The following SPRR3 variants were observed in gnomAD, a reference collection of about 807,000 sequenced individuals.
SPRR3 encodes small proline rich protein 3.
For synonymous variants in SPRR3, 58 were observed against 72.3 expected (o/e 0.80, Z 1.01); for missense variants, 183 against 200.3 (o/e 0.91, Z 0.52).
rs1652783793 is a variant in SPRR3 at position 153,001,760 on chromosome 1, G to A, written c.-53G>A. ...ACAAGAGACTCTTCACCAGATCCCA[G>A]AGGCTGAACACCTCGACCTTCTCTG... On this transcript the variant is annotated 5_prime_UTR_variant, in exon 1 of 2. Transcript: ENST00000295367. 1 of 152,218 alleles carries A rather than the reference G, an allele frequency of 6.6e-6. No individual in the cohort carries two copies. Among genetic ancestry groups the A allele is most frequent in the Non-Finnish European group, 1.5e-5 (1 of 68,040 alleles). The allele number at this position is 152,218 out of a possible 1,614,324, so 9.4% of individuals were successfully genotyped here. A position where few individuals can be genotyped will look rare whatever the true frequency, so the allele number is the denominator to read the frequency against.
Position 153,003,374 on chromosome 1 carries a change from T to C in SPRR3, c.354T>C (p.Pro118=), listed in dbSNP as rs748527214. 3.1e-6 allele frequency: 5 copies of C among 1,613,948 alleles called. No homozygotes were observed. In the East Asian group the frequency reaches 6.7e-5, roughly 22 times the overall value. Residue 118 remains proline (P), a synonymous_variant, in exon 2 of 2, where the codon CCT becomes CCC. Transcript: ENST00000295367. ...KVPEPGSIKV[P]DQGFIKFPEP... is the part of the protein sequence containing the mutation. ...CTGAACCAGGCAGCATCAAGGTCCC[T>C]GACCAAGGCTTCATCAAGTTTCCTG...
rs1055935 is a variant in SPRR3 at position 153,003,465 on chromosome 1, C to G, written c.445C>G (p.Leu149Val). The part of the protein sequence containing the change: ...TKVPVPGYTK[L>V]PEPCPSTVTP... ...AGTTCCTGTGCCAGGCTACACAAAGCTACCAGAGCCATGTCCTTCAACGGT... is the reference window on the plus strand; with the variant it reads ...AGTTCCTGTGCCAGGCTACACAAAGGTACCAGAGCCATGTCCTTCAACGGT... The change falls in exon 2 of 2, where the codon CTA (leucine) becomes GTA (valine). Residue 149 changes from leucine (L) to valine (V), a missense_variant. Physicochemically the swap from Leu to Val is conservative, Grantham distance 32 (BLOSUM62 1). Coordinates refer to ENST00000295367, the MANE Select transcript of SPRR3 (RefSeq NM_001097589.2). 891,020 of 1,613,364 alleles carry G rather than the reference C, an allele frequency of 0.55. 248,617 individuals are homozygous for G. The highest frequency in any genetic ancestry group is 0.68 in the African/African-American group (51,290 of 74,906).
In SPRR3 at chr1:153,003,846, T is replaced by G; in HGVS notation, c.*316T>G. On this transcript the variant is annotated 3_prime_UTR_variant, in exon 2 of 2. Transcript: ENST00000295367. ...TCCTGCTCTTCCCTCATTAAATTGC[T>G]TTTAATTCCAGTCTTGGCTGTGTGT... 1 of 386,632 alleles carries G rather than the reference T, an allele frequency of 2.6e-6. No individual in the cohort carries two copies. The highest frequency in any genetic ancestry group is 5.4e-5 in the East Asian group (1 of 18,630). The allele number at this position is 386,632 out of a possible 1,614,324, so 24.0% of individuals were successfully genotyped here.
At position 153,003,711 on chromosome 1, in the gene SPRR3, C is replaced by G. The variant is rs1376675088; in HGVS notation, c.*181C>G. 8.9e-6 allele frequency: 8 copies of G among 901,544 alleles called. No homozygotes were observed. In the East Asian group the frequency reaches 2.1e-4, roughly 24 times the overall value. The allele number at this position is 901,544 out of a possible 1,614,324, so 55.8% of individuals were successfully genotyped here. A position where few individuals can be genotyped will look rare whatever the true frequency, so the allele number is the denominator to read the frequency against. ...ACTATAAAGCTTTTGTTCACACACA[C>G]TCTGAAGAATCCTGTAAGCCCCTGA... On this transcript the variant is annotated 3_prime_UTR_variant, in exon 2 of 2. Coordinates refer to ENST00000295367, the MANE Select transcript of SPRR3 (RefSeq NM_001097589.2).
Position 153,003,352 on chromosome 1 carries a change from A to G in SPRR3, c.332A>G (p.Glu111Gly), listed in dbSNP as rs561001430. The change falls in exon 2 of 2, where the codon GAA (glutamate) becomes GGA (glycine). Residue 111 changes from glutamate (E) to glycine (G), a missense_variant. Glu to Gly is a moderately conservative substitution (Grantham distance 98, BLOSUM62 -2). Coordinates refer to ENST00000295367, the MANE Select transcript of SPRR3 (RefSeq NM_001097589.2). ...VPEPGYTKVP[E>G]PGSIKVPDQG... ...GAGCCAGGCTACACCAAGGTCCCTG[A>G]ACCAGGCAGCATCAAGGTCCCTGAC... is the stretch of plus-strand genomic sequence containing the variant. 2 of 1,610,054 alleles carry G rather than the reference A, an allele frequency of 1.2e-6. No individual in the cohort carries two copies. Among genetic ancestry groups the G allele is most frequent in the Admixed American group, 1.7e-5 (1 of 59,664 alleles).
intron 1 of SPRR3, 111 bp from the exon 2 acceptor site, chr1:153,002,891 A>G (rs918605897): frequency 8.4e-7 from 1 of 1,189,456 alleles, no homozygotes; most frequent in Non-Finnish European, 1.2e-6. Flanking sequence ...GGAAAAAGAA[A>G]GAAAAGAGAG....
Position 153,003,754 on chromosome 1 carries a change from C to A in SPRR3, c.*224C>A. 1.0e-4 allele frequency: 67 copies of A among 650,244 alleles called. No homozygotes were observed. Among genetic ancestry groups the A allele is most frequent in the South Asian group, 2.6e-4 (10 of 38,668 alleles). 40.3% of individuals were successfully genotyped at this position (650,244 alleles called of 1,614,324 possible). A position where few individuals can be genotyped will look rare whatever the true frequency, so the allele number is the denominator to read the frequency against. The stretch of plus-strand genomic sequence containing the variant: ...GCCCCTGAATTAAGCAGAAAGTCTT[C>A]ATGGCTTTTCTGGTCTTCGGCTGCT... On this transcript the variant is annotated 3_prime_UTR_variant, in exon 2 of 2. Transcript: ENST00000295367.
In SPRR3 at chr1:153,003,819, T is replaced by C; in HGVS notation, c.*289T>C. The stretch of plus-strand genomic sequence containing the variant: ...AGATTCGAATGAAAAGAAATGCATG[T>C]TTCCTGCTCTTCCCTCATTAAATTG... On this transcript the variant is annotated 3_prime_UTR_variant, in exon 2 of 2. Coordinates refer to ENST00000295367, the MANE Select transcript of SPRR3 (RefSeq NM_001097589.2). 2.1e-6 allele frequency: 1 copy of C among 474,600 alleles called. No individual in the cohort carries two copies. Among genetic ancestry groups the C allele is most frequent in the South Asian group, 3.1e-5 (1 of 31,918 alleles). The allele number at this position is 474,600 out of a possible 1,614,324, so 29.4% of individuals were successfully genotyped here.
In SPRR3 at chr1:153,003,707, C is replaced by A. The variant is rs1297105324; in HGVS notation, c.*177C>A. The stretch of plus-strand genomic sequence containing the variant: ...ACGTACTATAAAGCTTTTGTTCACA[C>A]ACACTCTGAAGAATCCTGTAAGCCC... On this transcript the variant is annotated 3_prime_UTR_variant, in exon 2 of 2. Transcript: ENST00000295367. 2 of 946,324 alleles carry A rather than the reference C, an allele frequency of 2.1e-6. No individual in the cohort carries two copies. Among genetic ancestry groups the A allele is most frequent in the East Asian group, 2.7e-5 (1 of 37,578 alleles). 58.6% of individuals were successfully genotyped at this position (946,324 alleles called of 1,614,324 possible). A position where few individuals can be genotyped will look rare whatever the true frequency, so the allele number is the denominator to read the frequency against.
At position 153,003,205 on chromosome 1, in the gene SPRR3, CTGAG is replaced by C. The variant is rs764540251; in HGVS notation, c.186_189del (p.Glu63GlnfsTer136). 33 of 1,217,242 alleles carry C rather than the reference CTGAG, an allele frequency of 2.7e-5. No individual in the cohort carries two copies. Among genetic ancestry groups the C allele is most frequent in the East Asian group, 1.2e-4 (2 of 16,354 alleles). The allele number at this position is 1,217,242 out of a possible 1,614,324, so 75.4% of individuals were successfully genotyped here. A position where few individuals can be genotyped will look rare whatever the true frequency, so the allele number is the denominator to read the frequency against. On this transcript the variant is annotated frameshift_variant, in exon 2 of 2. Coordinates refer to ENST00000295367, the MANE Select transcript of SPRR3 (RefSeq NM_001097589.2). LOFTEE classifies it low-confidence loss of function (END_TRUNC). ...CCAGAGCCAGGCTGTACCAAGGTCC[CTGAG>C]CCAGGCTGTACCAAGGTCCCTGAGC...
intron 1 of SPRR3, 60 bp from the exon 2 acceptor site, chr1:153,002,942 C>G (rs1652823924): frequency 1.3e-6 from 2 of 1,483,434 alleles, no homozygotes; most frequent in East Asian, 4.6e-5. Flanking sequence ...AGATATTTGT[C>G]ATTAAACTGG....
rs370635761 is a variant in SPRR3, at chr1:153,002,677, CAA to C, written c.-19-323_-19-322del. 721 of 256,200 alleles carry C rather than the reference CAA, an allele frequency of 2.8e-3. 3 individuals carry two copies. Among genetic ancestry groups the C allele is most frequent in the African/African-American group, 0.015 (692 of 44,796 alleles). 15.9% of individuals were successfully genotyped at this position (256,200 alleles called of 1,614,324 possible). A position where few individuals can be genotyped will look rare whatever the true frequency, so the allele number is the denominator to read the frequency against. On this transcript the variant is annotated intron_variant, in intron 1 of 1. Transcript: ENST00000295367. ...TAATTCAGGAGCTTAGAGGATTCTT[CAA>C]AGAGTGTGTAAGCGAAAGCTTCAGA...
chr1:153,003,363 A>G lies in SPRR3; in HGVS notation c.343A>G (p.Ile115Val), dbSNP rs769227116. ...CACCAAGGTCCCTGAACCAGGCAGC[A>G]TCAAGGTCCCTGACCAAGGCTTCAT... ...GYTKVPEPGS[I>V]KVPDQGFIKF... is the part of the protein sequence containing the mutation. Residue 115 changes from isoleucine (I) to valine (V), a missense_variant, in exon 2 of 2, where the codon ATC (isoleucine) becomes GTC (valine). Physicochemically the swap from Ile to Val is conservative, Grantham distance 29 (BLOSUM62 3). Transcript: ENST00000295367. The G allele has an allele frequency of 6.2e-7, 1 of 1,613,918 alleles. No individual in the cohort carries two copies. Among genetic ancestry groups the G allele is most frequent in the Non-Finnish European group, 8.5e-7 (1 of 1,179,966 alleles).
In SPRR3 at chr1:153,003,026, T is replaced by C. The variant is rs999290027; in HGVS notation, c.6T>C (p.Ser2=). Residue 2 remains serine (S), a synonymous_variant, in exon 2 of 2, where the codon AGT becomes AGC. Transcript: ENST00000295367. M[S]SYQQKQTFTP... is the part of the protein sequence containing the mutation. ...GGTCCAGCATCCTTTGAAGCATGAG[T>C]TCTTACCAGCAGAAGCAGACCTTTA... is the stretch of plus-strand genomic sequence containing the variant. 1 of 1,612,396 alleles carries C rather than the reference T, an allele frequency of 6.2e-7. No homozygotes were observed. The highest frequency in any genetic ancestry group is 1.3e-5 in the African/African-American group (1 of 74,742).
rs1375210510 is a variant in SPRR3, at chr1:153,003,156, C to T, written c.136C>T (p.Pro46Ser). The T allele has an allele frequency of 1.9e-6, 3 of 1,614,094 alleles. No homozygotes were observed. In the South Asian group the frequency reaches 3.3e-5, roughly 18 times the overall value. Residue 46 changes from proline (P) to serine (S), a missense_variant, in exon 2 of 2, where the codon CCA becomes TCA. Coordinates refer to ENST00000295367, the MANE Select transcript of SPRR3 (RefSeq NM_001097589.2). ...TTKEPCHSKV[P>S]QPGNTKIPEP... Reference sequence around the variant, plus strand: ...CAAGGAGCCATGCCACTCAAAGGTTCCACAACCTGGAAACACAAAGATTCC... The same window carrying T: ...CAAGGAGCCATGCCACTCAAAGGTTTCACAACCTGGAAACACAAAGATTCC...
rs761437632 is a variant in SPRR3, at chr1:153,003,132, A to G, written c.112A>G (p.Lys38Glu). 6.2e-7 allele frequency: 1 copy of G among 1,614,140 alleles called. No individual in the cohort carries two copies. The highest frequency in any genetic ancestry group is 1.1e-5 in the South Asian group (1 of 91,082). Residue 38 changes from lysine to glutamate, a missense_variant, in exon 2 of 2, where the codon AAG (lysine) becomes GAG (glutamate). Transcript: ENST00000295367. Reference protein sequence around the residue: ...PPQEIFVPTTKEPCHSKVPQP... With the variant: ...PPQEIFVPTTEEPCHSKVPQP... ...TCAGGAAATATTTGTTCCCACAACC[A>G]AGGAGCCATGCCACTCAAAGGTTCC...
rs756730990 is a variant in SPRR3 at position 153,003,522 on chromosome 1, C to A, written c.502C>A (p.Gln168Lys). ...TPGPAQQKTK[Q>K]K Reference sequence around the variant, plus strand: ...AGGCCCAGCTCAGCAGAAGACCAAGCAGAAGTAATTTGGTGCACAGACAAG... The same window carrying A: ...AGGCCCAGCTCAGCAGAAGACCAAGAAGAAGTAATTTGGTGCACAGACAAG... Residue 168 changes from glutamine to lysine, a missense_variant, in exon 2 of 2, where the codon CAG becomes AAG. Gln to Lys is a moderately conservative substitution (Grantham distance 53). Transcript: ENST00000295367. 7 of 1,613,456 alleles carry A rather than the reference C, an allele frequency of 4.3e-6. No individual in the cohort carries two copies. The highest frequency in any genetic ancestry group is 1.7e-4 in the Middle Eastern group (1 of 6,058).
rs761276604 is a variant in SPRR3, at chr1:153,003,205, CT to C, written c.186del (p.Glu63SerfsTer137). 4.1e-6 allele frequency: 5 copies of C among 1,217,242 alleles called. No individual in the cohort carries two copies. The highest frequency in any genetic ancestry group is 4.2e-6 in the Non-Finnish European group (4 of 949,700). The allele number at this position is 1,217,242 out of a possible 1,614,324, so 75.4% of individuals were successfully genotyped here. A position where few individuals can be genotyped will look rare whatever the true frequency, so the allele number is the denominator to read the frequency against. On this transcript the variant is annotated frameshift_variant, in exon 2 of 2. Transcript: ENST00000295367. LOFTEE classifies it low-confidence loss of function (END_TRUNC). ...CCAGAGCCAGGCTGTACCAAGGTCC[CT>C]GAGCCAGGCTGTACCAAGGTCCCTG... ...KIPEPGCTKV[P>X]EPGCTKVPEP...
At position 153,003,506 on chromosome 1, in the gene SPRR3, TCAG is replaced by T; in HGVS notation, c.490_492del (p.Gln164del). The T allele has an allele frequency of 6.2e-7, 1 of 1,613,904 alleles. No individual in the cohort carries two copies. The highest frequency in any genetic ancestry group is 8.5e-7 in the Non-Finnish European group (1 of 1,179,908). ...CTTCAACGGTCACTCCAGGCCCAGC[TCAG>T]CAGAAGACCAAGCAGAAGTAATTTG... On this transcript the variant is annotated inframe_deletion, in exon 2 of 2. Transcript: ENST00000295367.
Sources: gnomAD v4.1 joint callset for allele counts on GRCh38, gnomAD v4.1.1 for gene constraint, MANE v1.5 for transcripts, NCBI Gene and HGNC (gene_info 2026-07-23, HGNC 2026-07-21) for gene names.